Variants in RELN observed in about 807,000 individuals in gnomAD.
The protein encoded by RELN is reelin.
A neutral mutation model predicts 427.6 loss-of-function variants in RELN; 108 were observed. The observed-to-expected ratio is 0.25, with a 90% CI of 0.22 to 0.30. The LOEUF is 0.30. Ranked by LOEUF, RELN falls within the 10% of genes least tolerant of loss-of-function variation. The pLI is 1.00. For missense variants in RELN, 3,715 were observed against 4,302.8 expected (o/e 0.86, Z 3.82); for synonymous variants, 1,524 against 1,513.4 (o/e 1.01, Z -0.16).
intron 51 of RELN, among the ~76,000 whole-genome samples, chr7:103,510,203 G>T (rs555399002): frequency 1.5e-4 from 23 of 152,198 alleles, no homozygotes; most frequent in African/African-American, 5.5e-4. Flanking sequence ...TGTTTACTGC[G>T]GCACTGTTCA....
At chr7:103,801,408 G>T (rs1050443158) in intron 3 of RELN, among the ~76,000 whole-genome samples, 1 of 152,088 alleles carries the variant, frequency 6.6e-6, no homozygotes, top group Non-Finnish European at 1.5e-5. Flanking sequence ...GACATAAAAA[G>T]GATGAGTTCA....
At chr7:103,479,173 C>T (rs114225419) in intron 63 of RELN, among the ~76,000 whole-genome samples, 1,561 of 152,192 alleles carry the variant, frequency 0.01, 34 homozygotes, top group African/African-American at 0.035. Flanking sequence ...GAATGAAATG[C>T]GAATTGGGTG....
intron 1 of RELN, among the ~76,000 whole-genome samples, chr7:103,960,552 CA>C (rs1221794312): frequency 6.6e-6 from 1 of 152,048 alleles, no homozygotes; most frequent in Non-Finnish European, 1.5e-5. Flanking sequence ...AACAGAAGAA[CA>C]GAAAATATCT....
At chr7:103,852,055 G>A (rs1359213898) in intron 2 of RELN, among the ~76,000 whole-genome samples, 92 of 152,156 alleles carry the variant, frequency 6.0e-4, no homozygotes, top group Admixed American at 6.0e-3. Flanking sequence ...GAGTTAATTT[G>A]TTACCACAGC....
intron 51 of RELN, among the ~76,000 whole-genome samples, chr7:103,504,213 GGTCTT>G (rs1584242762): frequency 6.6e-6 from 1 of 151,912 alleles, no homozygotes; most frequent in East Asian, 1.9e-4. Context: ...CAGAAAAAAA[GGTCTT>G]ATTTCACCTA....
chr7:103,648,521 C>T lies in RELN; in HGVS notation c.2002+1753G>A, dbSNP rs1390798125. Among the ~76,000 whole-genome samples, 3 of 152,032 alleles carry T rather than the reference C, an allele frequency of 2.0e-5. No homozygotes were observed. In the East Asian group the frequency reaches 5.8e-4, roughly 29 times the overall value. ...TCTAGGAAAAACTCCTGAACACTTG[C>T]CTAGGCAAAGAATTAATGACTAATA... On this transcript the variant is annotated intron_variant, in intron 16 of 64. Coordinates refer to ENST00000428762, the MANE Select transcript of RELN (RefSeq NM_005045.4).
At chr7:103,616,257 C>T (rs754484272) in intron 20 of RELN, among the ~76,000 whole-genome samples, 15 of 152,110 alleles carry the variant, frequency 9.9e-5, no homozygotes, top group Non-Finnish European at 2.1e-4. Flanking sequence ...AAGAGCCATA[C>T]AATGTTGTTT....
intron 3 of RELN, 41 bp downstream of exon 3, chr7:103,833,496 A>G (rs373001590): frequency 3.6e-5 from 56 of 1,567,266 alleles, no homozygotes; most frequent in Non-Finnish European, 4.7e-5. Context: ...AGTCCTAAGT[A>G]TTTGCCTTCT....
chr7:103,682,329 G>A, intron 10 of RELN, 68 bp from the exon 11 acceptor site: 1 of 1,550,044 alleles, frequency 6.5e-7, no homozygotes, highest in African/African-American at 1.4e-5. Flanking sequence ...TCTTACTCAT[G>A]TATAATTAGA....
At chr7:103,948,527 G>C (rs1011602191) in intron 1 of RELN, among the ~76,000 whole-genome samples, 1 of 152,024 alleles carries the variant, frequency 6.6e-6, no homozygotes, top group Non-Finnish European at 1.5e-5. Flanking sequence ...ACAAAAATTA[G>C]CTGGGCATGG....
chr7:103,511,410 TC>T (rs1307044283), intron 50 of RELN, among the ~76,000 whole-genome samples: 17 of 152,190 alleles, frequency 1.1e-4, no homozygotes, highest in Admixed American at 9.8e-4. Context: ...TCATGAAGAA[TC>T]ACAATTGCAC....
At chr7:103,680,083 C>T (rs565825455) in intron 11 of RELN, among the ~76,000 whole-genome samples, 1 of 151,844 alleles carries the variant, frequency 6.6e-6, no homozygotes, top group African/African-American at 2.4e-5. Context: ...GGTATGAAGG[C>T]CATAGGTAAA....
rs1185070059 is a variant in RELN at position 103,626,904 on chromosome 7, G to C, written c.2702+3036C>G. Among the ~76,000 whole-genome samples, 1 of 152,076 alleles carries C rather than the reference G, an allele frequency of 6.6e-6. No individual in the cohort carries two copies. Among genetic ancestry groups the C allele is most frequent in the Admixed American group, 6.6e-5 (1 of 15,260 alleles). Reference sequence around the variant, plus strand: ...CTGAGTTCAGATACTATGTATGGAAGAAAGTATTCAAAGAATTCAAAGCAA... The same window carrying C: ...CTGAGTTCAGATACTATGTATGGAACAAAGTATTCAAAGAATTCAAAGCAA... On this transcript the variant is annotated intron_variant, in intron 20 of 64. Coordinates refer to ENST00000428762, the MANE Select transcript of RELN (RefSeq NM_005045.4). The surrounding 1 kb of genome is among the most constrained non-coding windows in gnomAD (Gnocchi z 4.4).
intron 6 of RELN, among the ~76,000 whole-genome samples, chr7:103,742,572 G>A (rs1171002588): frequency 6.6e-6 from 1 of 152,176 alleles, no homozygotes; most frequent in African/African-American, 2.4e-5. Flanking sequence ...AGTCCTTAAA[G>A]GAGCTGATGG....
intron 2 of RELN, among the ~76,000 whole-genome samples, chr7:103,890,996 C>T (rs1292244747): frequency 1.3e-5 from 2 of 152,048 alleles, no homozygotes; most frequent in Admixed American, 6.6e-5. Flanking sequence ...GGAGGAGAAT[C>T]GCTTGAATCT....
At chr7:103,695,843 A>G (rs1833967551) in intron 10 of RELN, among the ~76,000 whole-genome samples, 1 of 152,142 alleles carries the variant, frequency 6.6e-6, no homozygotes, top group African/African-American at 2.4e-5. Context: ...CTAGACTCAT[A>G]CAAAAGAAAT....
At chr7:103,520,741 C>T (rs997510452) in intron 48 of RELN, among the ~76,000 whole-genome samples, 2 of 151,788 alleles carry the variant, frequency 1.3e-5, no homozygotes, top group Non-Finnish European at 2.9e-5. Flanking sequence ...TTTAGTTGAA[C>T]ATATGTGAAA....
intron 4 of RELN, among the ~76,000 whole-genome samples, chr7:103,753,671 C>T (rs1047851482): frequency 5.9e-5 from 9 of 152,142 alleles, no homozygotes; most frequent in Non-Finnish European, 1.5e-5. Flanking sequence ...GAAATTGAAA[C>T]TTTGAAAATA....
intron 2 of RELN, among the ~76,000 whole-genome samples, chr7:103,838,411 C>T (rs1396123374): frequency 6.6e-6 from 1 of 152,050 alleles, no homozygotes; most frequent in Admixed American, 6.6e-5. Context: ...AAAAACAAAT[C>T]TATGTTTTGA....
Sources: gnomAD v4.1 joint callset for allele counts (sites outside exome capture counted in the v4.1 genomes callset) on GRCh38, gnomAD v4.1.1 for gene constraint, Gnocchi (gnomAD v3.1) non-coding constraint, MANE v1.5 for transcripts, NCBI Gene and HGNC (gene_info 2026-07-23, HGNC 2026-07-21) for gene names.